Variants in CACNB2 observed in about 807,000 individuals in gnomAD.
CACNB2 encodes voltage-dependent L-type calcium channel subunit beta-2.
CACNB2 carries 42 observed loss-of-function variants against 73.3 expected under a neutral mutation model. That is an observed-to-expected ratio of 0.57 (90% CI 0.45 to 0.74). CACNB2 has a LOEUF of 0.74. Among genes scored for constraint, CACNB2 ranks in the 30% least tolerant of loss-of-function variants. The pLI is 0.00. For missense variants in CACNB2, 940 were observed against 853.0 expected (o/e 1.10, Z -1.27); for synonymous variants, 348 against 310.3 (o/e 1.12, Z -1.28).
intron 3 of CACNB2, among the ~76,000 whole-genome samples, chr10:18,497,492 T>C (rs1054283753): frequency 5.3e-4 from 80 of 152,290 alleles, no homozygotes; most frequent in African/African-American, 1.9e-3. Flanking sequence ...TGATCATGGC[T>C]CACTGCAGCA....
At chr10:18,150,216 A>G (rs1188058867) in intron 1 of CACNB2, among the ~76,000 whole-genome samples, 1 of 152,202 alleles carries the variant, frequency 6.6e-6, no homozygotes, top group Non-Finnish European at 1.5e-5. Flanking sequence ...GCCCAATCCT[A>G]TTATCGAAAC....
chr10:18,444,920 CA>C (rs2046658351), intron 3 of CACNB2, among the ~76,000 whole-genome samples: 1 of 152,136 alleles, frequency 6.6e-6, no homozygotes, highest in Admixed American at 6.5e-5. Flanking sequence ...TGGACTTTTG[CA>C]GTTGTACTAA....
At chr10:18,189,958 T>C (rs1017884058) in intron 2 of CACNB2, among the ~76,000 whole-genome samples, 3 of 152,200 alleles carry the variant, frequency 2.0e-5, no homozygotes, top group Non-Finnish European at 2.9e-5. Context: ...TTTTAGACAG[T>C]TGAGTTCATA....
At chr10:18,241,765 G>A (rs1451948153) in intron 2 of CACNB2, among the ~76,000 whole-genome samples, 1 of 151,944 alleles carries the variant, frequency 6.6e-6, no homozygotes, top group Non-Finnish European at 1.5e-5. Context: ...TATATTTACT[G>A]ACCTTTTTTT....
intron 1 of CACNB2, 141 bp from the exon 2 acceptor site, chr10:18,150,742 A>G: frequency 1.7e-6 from 1 of 604,892 alleles, no homozygotes; most frequent in Non-Finnish European, 2.9e-6. Context: ...CACCAGTATT[A>G]ACTTTCTAAT....
chr10:18,382,182 A>G (rs185020556), intron 2 of CACNB2, among the ~76,000 whole-genome samples: 1 of 152,058 alleles, frequency 6.6e-6, no homozygotes, highest in South Asian at 2.1e-4. Context: ...TAATAATAAA[A>G]TATACTTGCT....
chr10:18,363,064 C>T (rs565422075), intron 2 of CACNB2, among the ~76,000 whole-genome samples: 25 of 152,292 alleles, frequency 1.6e-4, no homozygotes, highest in Admixed American at 3.9e-4. Context: ...ACCTGTCTCT[C>T]CTCTCTGTCA....
At chr10:18,141,741 G>A (rs978497222) in intron 1 of CACNB2, among the ~76,000 whole-genome samples, 3 of 152,334 alleles carry the variant, frequency 2.0e-5, no homozygotes, top group Admixed American at 1.3e-4. Flanking sequence ...CAGCGATGAG[G>A]AGTCGCTCAA....
At chr10:18,159,843 A>G (rs2032328962) in intron 2 of CACNB2, among the ~76,000 whole-genome samples, 1 of 152,192 alleles carries the variant, frequency 6.6e-6, no homozygotes, top group East Asian at 1.9e-4. Context: ...TGCGTCACAA[A>G]CACACTATAA....
chr10:18,363,409 C>T (rs550490469), intron 2 of CACNB2, among the ~76,000 whole-genome samples: 1 of 152,302 alleles, frequency 6.6e-6, no homozygotes, highest in South Asian at 2.1e-4. Flanking sequence ...GAAATCCTGT[C>T]GCCCCATGGG....
At chr10:18,207,932 A>C (rs1332019302) in intron 2 of CACNB2, among the ~76,000 whole-genome samples, 1 of 152,246 alleles carries the variant, frequency 6.6e-6, no homozygotes, top group Non-Finnish European at 1.5e-5. Flanking sequence ...GTGAATTAAC[A>C]GTTTTGATGT....
At chr10:18,238,492 G>C (rs2036531613) in intron 2 of CACNB2, 1 of 151,974 alleles carries the variant, frequency 6.6e-6, no homozygotes, top group Non-Finnish European at 1.5e-5. Context: ...AATCATTTCT[G>C]ATTAATATGT....
intron 3 of CACNB2, among the ~76,000 whole-genome samples, chr10:18,486,248 A>T (rs2049053606): frequency 6.6e-6 from 1 of 152,204 alleles, no homozygotes; most frequent in East Asian, 1.9e-4. Flanking sequence ...AAACTTAGGT[A>T]TGCATTGTGT....
At chr10:18,535,658 AG>A (rs1434331516) in intron 11 of CACNB2, among the ~76,000 whole-genome samples, 1 of 139,142 alleles carries the variant, frequency 7.2e-6, no homozygotes, top group Non-Finnish European at 1.7e-5. Flanking sequence ...CTGTAGTCCT[AG>A]CTACTTGGGA....
chr10:18,294,812 G>A (rs760577734), intron 2 of CACNB2, among the ~76,000 whole-genome samples: 7 of 152,230 alleles, frequency 4.6e-5, no homozygotes, highest in Non-Finnish European at 8.8e-5. Context: ...TCTCTTGTAT[G>A]TATTTGCATA....
chr10:18,243,035 A>G (rs2036725557), intron 2 of CACNB2, among the ~76,000 whole-genome samples: 1 of 151,658 alleles, frequency 6.6e-6, no homozygotes, highest in African/African-American at 2.4e-5. Flanking sequence ...AAAAGAAAAC[A>G]TGCAAAAAGT....
At chr10:18,369,325 G>T (rs148146038) in intron 2 of CACNB2, among the ~76,000 whole-genome samples, 1 of 152,042 alleles carries the variant, frequency 6.6e-6, no homozygotes, top group Admixed American at 6.6e-5. Context: ...TTGTGGATTT[G>T]TCATTATTTT....
chr10:18,274,911 C>G (rs1029075259), intron 2 of CACNB2, among the ~76,000 whole-genome samples: 1 of 152,062 alleles, frequency 6.6e-6, no homozygotes, highest in Admixed American at 6.6e-5. Context: ...TCTTATTACA[C>G]AGTTTTATTT....
At chr10:18,283,083 C>A (rs1426764762) in intron 2 of CACNB2, among the ~76,000 whole-genome samples, 1 of 152,236 alleles carries the variant, frequency 6.6e-6, no homozygotes, top group Admixed American at 6.5e-5. Context: ...CTCATCATCA[C>A]TGGCCATCAG....
Sources: gnomAD v4.1 joint callset for allele counts (sites outside exome capture counted in the v4.1 genomes callset) on GRCh38, gnomAD v4.1.1 for gene constraint, MANE v1.5 for transcripts, NCBI Gene and HGNC (gene_info 2026-07-23, HGNC 2026-07-21) for gene names.